The following STAU2 variants were observed in gnomAD, a reference collection of about 807,000 sequenced individuals.
STAU2 encodes the protein staufen double-stranded RNA binding protein 2.
A neutral mutation model predicts 65.9 loss-of-function variants in STAU2; 20 were observed. The ratio of observed to expected loss-of-function variants is 0.30; its 90% CI spans 0.21 to 0.44. The LOEUF (loss-of-function observed/expected upper bound fraction) is 0.44, where lower values mean the gene tolerates loss of function less well. Ranked by LOEUF, STAU2 falls within the 20% of genes least tolerant of loss-of-function variation. The pLI is 1.00. For synonymous variants in STAU2, 232 were observed against 233.9 expected (o/e 0.99, Z 0.07); for missense variants, 558 against 683.9 (o/e 0.82, Z 2.05).
chr8:73,742,154 G>A (rs1335558707), intron 1 of STAU2: 42 of 959,036 alleles, frequency 4.4e-5, no homozygotes, highest in Non-Finnish European at 5.1e-5. Flanking sequence ...CCAGTCTACT[G>A]TCACATATTT....
intron 9 of STAU2, among the ~76,000 whole-genome samples, chr8:73,609,207 C>T (rs1227872819): frequency 6.6e-6 from 1 of 151,914 alleles, no homozygotes; most frequent in East Asian, 1.9e-4. Flanking sequence ...ATTGAACCCC[C>T]AGAAGTAGAA....
At chr8:73,669,452 C>T (rs771508617) in intron 6 of STAU2, among the ~76,000 whole-genome samples, 3 of 151,882 alleles carry the variant, frequency 2.0e-5, no homozygotes, top group Non-Finnish European at 4.4e-5. Context: ...GAAAAAATGC[C>T]GACATTCTTA....
intron 3 of STAU2, among the ~76,000 whole-genome samples, chr8:73,709,492 T>C (rs549369287): frequency 1.4e-4 from 21 of 152,120 alleles, no homozygotes; most frequent in African/African-American, 5.1e-4. Context: ...AACACATACG[T>C]TTCCTGGTTC....
At chr8:73,469,299 C>G (rs565850829) in intron 13 of STAU2, among the ~76,000 whole-genome samples, 38 of 151,852 alleles carry the variant, frequency 2.5e-4, no homozygotes, top group Admixed American at 2.0e-4. Flanking sequence ...ACACCAGGGC[C>G]TGTTGTGGGG....
At chr8:73,603,301 T>TA (rs1811775148) in intron 10 of STAU2, among the ~76,000 whole-genome samples, 1 of 152,134 alleles carries the variant, frequency 6.6e-6, no homozygotes, top group East Asian at 1.9e-4. Context: ...CTAGCCTGCT[T>TA]ACTCTCTTTT....
At chr8:73,646,012 T>C (rs1815346699) in intron 6 of STAU2, among the ~76,000 whole-genome samples, 1 of 151,996 alleles carries the variant, frequency 6.6e-6, no homozygotes, top group Non-Finnish European at 1.5e-5. Flanking sequence ...GATCCAAACC[T>C]TATCAAAATG....
intron 3 of STAU2, among the ~76,000 whole-genome samples, chr8:73,734,507 C>T (rs191429813): frequency 1.4e-3 from 206 of 152,144 alleles, no homozygotes; most frequent in Middle Eastern, 3.4e-3. Context: ...GAATAAAAAA[C>T]CATGTAGGCC....
intron 12 of STAU2, among the ~76,000 whole-genome samples, chr8:73,575,336 T>G (rs544149495): frequency 6.6e-6 from 1 of 152,170 alleles, no homozygotes; most frequent in Non-Finnish European, 1.5e-5. Flanking sequence ...AAAACTTTGA[T>G]AGCACACTGT....
At chr8:73,522,726 T>C (rs1823108731) in intron 13 of STAU2, among the ~76,000 whole-genome samples, 1 of 152,186 alleles carries the variant, frequency 6.6e-6, no homozygotes, top group African/African-American at 2.4e-5. Flanking sequence ...AACATGAGAA[T>C]GTCAAAACAT....
At chr8:73,692,754 G>A (rs751310630) in intron 4 of STAU2, among the ~76,000 whole-genome samples, 6 of 152,186 alleles carry the variant, frequency 3.9e-5, no homozygotes, top group Non-Finnish European at 5.9e-5. Context: ...TGCACTAACC[G>A]TGGGCAGTTA....
At chr8:73,604,495 T>C (rs945261842) in intron 9 of STAU2, among the ~76,000 whole-genome samples, 8 of 152,118 alleles carry the variant, frequency 5.3e-5, no homozygotes, top group African/African-American at 7.2e-5. Context: ...CCTCCCAAAG[T>C]GCTGGGATTA....
intron 8 of STAU2, 67 bp from the exon 9 acceptor site, chr8:73,614,023 T>C: frequency 7.7e-7 from 1 of 1,297,132 alleles, no homozygotes; most frequent in Admixed American, 2.8e-5. Context: ...AAGTATGACT[T>C]AATATTCATA....
upstream of STAU2, chr8:73,747,421 T>C (rs1807363681): frequency 6.5e-7 from 1 of 1,535,112 alleles, no homozygotes; most frequent in Non-Finnish European, 8.7e-7. Flanking sequence ...CTCTGTGCTG[T>C]GCAGGGGACG....
At chr8:73,704,429 G>A (rs2130619659) in intron 4 of STAU2, among the ~76,000 whole-genome samples, 1 of 152,224 alleles carries the variant, frequency 6.6e-6, no homozygotes, top group East Asian at 1.9e-4. Flanking sequence ...GATGGATACA[G>A]ACCATGTATT....
intron 1 of STAU2, 51 bp from the exon 2 acceptor site, chr8:73,739,919 G>C (rs1419043387): frequency 1.3e-6 from 1 of 746,612 alleles, no homozygotes; most frequent in East Asian, 2.7e-5. Flanking sequence ...CCAAGATTAG[G>C]TTATAAAAAT....
intron 6 of STAU2, among the ~76,000 whole-genome samples, chr8:73,654,664 A>AAAAAAAAAAAAAAAAACAC (rs1554556802): frequency 8.1e-6 from 1 of 122,986 alleles, no homozygotes; most frequent in Non-Finnish European, 1.7e-5. Context: ...AAAAAAAAGA[A>AAAAAAAAAAAAAAAAACAC]CTCTTTTAAT....
chr8:73,688,998 C>G (rs1255595831), intron 4 of STAU2, among the ~76,000 whole-genome samples, 185 bp from the exon 5 acceptor site: 4 of 152,208 alleles, frequency 2.6e-5, no homozygotes, highest in African/African-American at 9.6e-5. Context: ...GTACCAAATT[C>G]TGTTCTATCC....
At chr8:73,732,333 A>G (rs182056739) in intron 3 of STAU2, among the ~76,000 whole-genome samples, 1 of 152,312 alleles carries the variant, frequency 6.6e-6, no homozygotes, top group African/African-American at 2.4e-5. Context: ...ATTATAAATA[A>G]CCTATCCTAA....
At chr8:73,438,270 G>A (rs1817862950) in intron 13 of STAU2, among the ~76,000 whole-genome samples, 1 of 152,220 alleles carries the variant, frequency 6.6e-6, no homozygotes, top group Admixed American at 6.5e-5. Flanking sequence ...ACCACGCTGG[G>A]CGCTAACAGA....
Sources: gnomAD v4.1 joint callset for allele counts (sites outside exome capture counted in the v4.1 genomes callset) on GRCh38, gnomAD v4.1.1 for gene constraint, MANE v1.5 for transcripts, NCBI Gene and HGNC (gene_info 2026-07-23, HGNC 2026-07-21) for gene names.